PALM2AKAP2: variants seen among roughly 807,000 people sequenced by gnomAD.
The protein encoded by PALM2AKAP2 is PALM2 and AKAP2 fusion.
Under a neutral mutation model 71.5 loss-of-function variants are expected in PALM2AKAP2, and 37 were observed. That is an observed-to-expected ratio of 0.52 (90% CI 0.40 to 0.68). The LOEUF is 0.68. PALM2AKAP2 is among the 30% of genes least tolerant of loss of function. PALM2AKAP2 has a pLI of 0.00. For synonymous variants in PALM2AKAP2, 468 were observed against 478.8 expected (o/e 0.98, Z 0.29); for missense variants, 1,224 against 1,191.8 (o/e 1.03, Z -0.40).
chr9:109,954,658 T>TAAAAAAAAAAA (rs56743395), intron 6 of PALM2AKAP2, among the ~76,000 whole-genome samples: 7 of 107,892 alleles, frequency 6.5e-5, no homozygotes, highest in African/African-American at 1.0e-4. Flanking sequence ...TAAAGTATAA[T>TAAAAAAAAAAA]AAAAAAAAAA....
intron 2 of PALM2AKAP2, among the ~76,000 whole-genome samples, chr9:110,143,788 A>C (rs958404006): frequency 6.6e-6 from 1 of 152,248 alleles, no homozygotes; most frequent in African/African-American, 2.4e-5. Context: ...CGTGAGACCT[A>C]CATTATGGAG....
At chr9:110,008,084 G>A (rs746508516) in intron 6 of PALM2AKAP2, among the ~76,000 whole-genome samples, 35 of 152,292 alleles carry the variant, frequency 2.3e-4, no homozygotes, top group Non-Finnish European at 4.3e-4. Flanking sequence ...CAGAAAGGTG[G>A]TGGGAAAGTT....
At chr9:109,702,743 G>T (rs1218746726) in intron 1 of PALM2AKAP2, among the ~76,000 whole-genome samples, 1 of 140,668 alleles carries the variant, frequency 7.1e-6, no homozygotes, top group Non-Finnish European at 1.5e-5. Context: ...AAAACTTAAG[G>T]TATAATAATA....
intron 1 of PALM2AKAP2, among the ~76,000 whole-genome samples, chr9:109,713,829 T>G (rs939565451): frequency 5.3e-5 from 8 of 152,170 alleles, no homozygotes; most frequent in African/African-American, 1.4e-4. Context: ...ACTGTAATGG[T>G]GGATATTTTT....
At chr9:109,879,347 T>G (rs1397092555) in intron 2 of PALM2AKAP2, among the ~76,000 whole-genome samples, 2 of 152,230 alleles carry the variant, frequency 1.3e-5, no homozygotes, top group African/African-American at 4.8e-5. Flanking sequence ...CGTTGCTTAC[T>G]ATTTCTGGGA....
chr9:110,009,325 A>AT (rs1028230731), intron 6 of PALM2AKAP2, among the ~76,000 whole-genome samples: 5 of 151,926 alleles, frequency 3.3e-5, no homozygotes, highest in Non-Finnish European at 5.9e-5. Flanking sequence ...TCACCCAGTG[A>AT]TTTTTTCTGG....
At chr9:109,641,648 G>C (rs911126035) in intron 1 of PALM2AKAP2, among the ~76,000 whole-genome samples, 16 of 152,152 alleles carry the variant, frequency 1.1e-4, no homozygotes, top group African/African-American at 3.4e-4. Flanking sequence ...ACTCTGACAG[G>C]CGACAGCCAG....
rs147710381 is a variant in PALM2AKAP2 at position 110,080,069 on chromosome 9, C to CAA, written c.156+31239_156+31240dup. Among the ~76,000 whole-genome samples, 67 of 75,556 alleles carry CAA rather than the reference C, an allele frequency of 8.9e-4. 4 individuals carry two copies. Among genetic ancestry groups the CAA allele is most frequent in the African/African-American group, 2.8e-3 (52 of 18,460 alleles). 49.6% of individuals were successfully genotyped at this position (75,556 alleles called of 152,430 possible). The stretch of plus-strand genomic sequence containing the variant: ...TGGGTGACAGAGCGAGACTCTGTCT[C>CAA]AAAAAAAAAAAAAAAAAAAAAAAAA... On this transcript the variant is annotated intron_variant, in intron 1 of 3. Transcript: ENST00000374525.
chr9:110,088,008 G>T (rs1357491799), intron 1 of PALM2AKAP2, among the ~76,000 whole-genome samples: 2 of 152,192 alleles, frequency 1.3e-5, no homozygotes, highest in African/African-American at 4.8e-5. Context: ...TGTTCAAATT[G>T]TTATCAGTGG....
intron 1 of PALM2AKAP2, among the ~76,000 whole-genome samples, chr9:109,680,255 G>T (rs1266485802): frequency 1.3e-5 from 2 of 152,260 alleles, no homozygotes; most frequent in East Asian, 3.9e-4. Context: ...ACGAAGCCCG[G>T]GCACACAGGC....
rs967026028 is a variant in PALM2AKAP2, at chr9:109,803,410, C to T, written c.45+22877C>T. Among the ~76,000 whole-genome samples, 5 of 152,102 alleles carry T rather than the reference C, an allele frequency of 3.3e-5. No individual in the cohort carries two copies. The East Asian group carries it at 9.6e-4, about 29-fold the overall frequency. On this transcript the variant is annotated intron_variant, in intron 1 of 9. Coordinates refer to the PALM2AKAP2 transcript ENST00000302798. ...TAGGCACCGCCTGTTGAATAGCACA[C>T]CTTCTTGGTGAATTTGTCTCATGGA...
intron 1 of PALM2AKAP2, among the ~76,000 whole-genome samples, chr9:109,696,163 AG>A (rs144353506): frequency 0.012 from 1,819 of 152,308 alleles, 12 homozygotes; most frequent in East Asian, 0.021. Flanking sequence ...TACATAGAAA[AG>A]TCACTTTGAA....
intron 1 of PALM2AKAP2, among the ~76,000 whole-genome samples, chr9:109,747,082 T>C (rs1184171233): frequency 2.0e-5 from 3 of 152,212 alleles, no homozygotes; most frequent in African/African-American, 7.2e-5. Context: ...TGAATGCTGA[T>C]GTGAATATAC....
chr9:109,864,776 C>CT (rs1829404094), intron 1 of PALM2AKAP2, among the ~76,000 whole-genome samples: 2 of 152,176 alleles, frequency 1.3e-5, no homozygotes, highest in Non-Finnish European at 2.9e-5. Context: ...AGTGTATCAG[C>CT]CCCTATTAAT....
intron 6 of PALM2AKAP2, among the ~76,000 whole-genome samples, chr9:109,990,020 T>G (rs1832446187): frequency 6.6e-6 from 1 of 152,154 alleles, no homozygotes; most frequent in South Asian, 2.1e-4. Context: ...TCCTTATGTT[T>G]ACCACTGTTC....
At chr9:110,125,457 G>A (rs746000439) in intron 1 of PALM2AKAP2, 24 of 972,988 alleles carry the variant, frequency 2.5e-5, no homozygotes, top group Non-Finnish European at 2.9e-5. Context: ...GGAGCAGAGG[G>A]AGGGCCCACG....
chr9:109,956,770 T>C lies in PALM2AKAP2; in HGVS notation c.496+24742T>C, dbSNP rs558770207. On this transcript the variant is annotated intron_variant, in intron 6 of 9. Transcript: ENST00000302798. ...TGTCAAAAACATAGCTCCATCTCTT[T>C]AATATAATCAGATGGGAGTGAAAGA... Among the ~76,000 whole-genome samples, 27 of 152,344 alleles carry C rather than the reference T, an allele frequency of 1.8e-4. No homozygotes were observed. The East Asian group carries it at 5.2e-3, about 29-fold the overall frequency.
At chr9:109,985,794 C>T (rs1832365750) in intron 6 of PALM2AKAP2, among the ~76,000 whole-genome samples, 1 of 151,954 alleles carries the variant, frequency 6.6e-6, no homozygotes, top group Non-Finnish European at 1.5e-5. Context: ...GGATTACAGG[C>T]ATGCACCACC....
intron 1 of PALM2AKAP2, chr9:110,127,631 T>G (rs1345779973): frequency 1.5e-4 from 23 of 152,266 alleles, no homozygotes; most frequent in Admixed American, 1.5e-3. Flanking sequence ...ACTTTCCTGC[T>G]GTCAGTGCCT....
Sources: allele counts gnomAD v4.1 joint callset (sites outside exome capture counted in the v4.1 genomes callset), GRCh38; gene constraint gnomAD v4.1.1; transcripts MANE v1.5; gene names NCBI Gene and HGNC (gene_info 2026-07-23, HGNC 2026-07-21).